Variants in PARP14 observed in about 807,000 individuals in gnomAD.
PARP14 encodes the protein protein mono-ADP-ribosyltransferase PARP14.
A neutral mutation model predicts 154.2 loss-of-function variants in PARP14; 59 were observed. That is an observed-to-expected ratio of 0.38 (90% confidence interval 0.31 to 0.48). The LOEUF (loss-of-function observed/expected upper bound fraction) is 0.48. Among genes scored for constraint, PARP14 ranks in the 20% least tolerant of loss-of-function variants. PARP14 has a pLI of 0.98. For synonymous variants in PARP14, 720 were observed against 780.5 expected (o/e 0.92, Z 1.29); for missense variants, 1,734 against 2,131.6 (o/e 0.81, Z 3.67).
Position 122,700,889 on chromosome 3 carries a change from G to A in PARP14, c.2335G>A (p.Glu779Lys), listed in dbSNP as rs1471767668. 1 of 1,614,040 alleles carries A rather than the reference G, an allele frequency of 6.2e-7. No homozygotes were observed. Among genetic ancestry groups the A allele is most frequent in the South Asian group, 1.1e-5 (1 of 91,080 alleles). Reference protein sequence around the residue: ...FGCYIELQENEVMKEGGSPAG... With the variant: ...FGCYIELQENKVMKEGGSPAG... ...TTGTTACATTGAACTACAGGAGAAT[G>A]AAGTAATGAAGGAGGGAGGCAGCCC... Residue 779 changes from glutamate (E) to lysine (K), a missense_variant, in exon 6 of 17, where the codon GAA (glutamate) becomes AAA (lysine). Physicochemically the swap from Glu to Lys is moderately conservative, Grantham distance 56. Transcript: ENST00000474629.
intron 1 of PARP14, chr3:122,683,245 T>A (rs1163529365): frequency 1.4e-5 from 13 of 957,708 alleles, no homozygotes; most frequent in Non-Finnish European, 1.6e-5. Flanking sequence ...GTCCCAGAAG[T>A]GCATTCTTCT....
rs35141145 is a variant in PARP14, at chr3:122,729,391, C to T, written c.*794C>T. The T allele has an allele frequency of 0.087, 13,297 of 152,270 alleles. 681 individuals are homozygous for T. Among genetic ancestry groups the T allele is most frequent in the East Asian group, 0.13 (665 of 5,164 alleles). The allele number at this position is 152,270 out of a possible 1,614,324, so 9.4% of individuals were successfully genotyped here. On this transcript the variant is annotated 3_prime_UTR_variant, in exon 17 of 17. Transcript: ENST00000474629. ...GGAGTTGCGCAGCACAACCCTGGCTCCAATTGCCAGAAGGCTCTTTTTAAT... is the reference window on the plus strand; with the variant it reads ...GGAGTTGCGCAGCACAACCCTGGCTTCAATTGCCAGAAGGCTCTTTTTAAT...
intron 15 of PARP14, 39 bp downstream of exon 15, chr3:122,720,427 A>G (rs757841842): frequency 1.3e-6 from 2 of 1,594,598 alleles, no homozygotes. Flanking sequence ...GGATGGTGGA[A>G]ATAAGTTCTG....
intron 1 of PARP14, among the ~76,000 whole-genome samples, chr3:122,682,608 C>T (rs182489583): frequency 1.9e-3 from 287 of 152,246 alleles, no homozygotes; most frequent in African/African-American, 6.6e-3. Flanking sequence ...TAACTCAATT[C>T]TAGCCCTCCA....
chr3:122,705,384 A>G (rs1233629098), intron 8 of PARP14, among the ~76,000 whole-genome samples: 1 of 152,230 alleles, frequency 6.6e-6, no homozygotes, highest in Non-Finnish European at 1.5e-5. Flanking sequence ...ATTTTAATAC[A>G]TAGTATAAAA....
rs1427170261 is a variant in PARP14, at chr3:122,685,258, C to T, written c.261C>T (p.Val87=). ...GAAAAGGAACATTCAAGTTAACTGT[C>T]CAGTTACCTGCAACCCCAGATGAAA... ...WQGKGTFKLT[V]QLPATPDEID... The change falls in exon 2 of 17, where the codon GTC becomes GTT. Residue 87 remains valine, a synonymous_variant. Coordinates refer to ENST00000474629, the MANE Select transcript of PARP14 (RefSeq NM_017554.3). 3 of 1,613,126 alleles carry T rather than the reference C, an allele frequency of 1.9e-6. No homozygotes were observed. Among genetic ancestry groups the T allele is most frequent in the Non-Finnish European group, 2.5e-6 (3 of 1,179,132 alleles).
chr3:122,704,724 C>T lies in PARP14; in HGVS notation c.3516C>T (p.His1172=), dbSNP rs968035422. The change falls in exon 8 of 17, where the codon CAC becomes CAT. Residue 1172 remains histidine (H), a synonymous_variant. Coordinates refer to ENST00000474629, the MANE Select transcript of PARP14 (RefSeq NM_017554.3). ...TACAAGAGGTTCACTTTCTGCTGCACCCGAGTGATCATGAAAATATTCAGG... is the reference window on the plus strand; with the variant it reads ...TACAAGAGGTTCACTTTCTGCTGCATCCGAGTGATCATGAAAATATTCAGG... ...KTLQEVHFLL[H]PSDHENIQAF... 16 of 1,598,604 alleles carry T rather than the reference C, an allele frequency of 1.0e-5. No homozygotes were observed. The highest frequency in any genetic ancestry group is 1.4e-5 in the Non-Finnish European group (16 of 1,170,798).
At chr3:122,723,681 A>G (rs1472994422) in intron 15 of PARP14, among the ~76,000 whole-genome samples, 2 of 152,204 alleles carry the variant, frequency 1.3e-5, no homozygotes, top group African/African-American at 4.8e-5. Context: ...ACTATTAATG[A>G]TGCTAAGTTT....
chr3:122,727,527 G>C (rs945447057), intron 15 of PARP14, among the ~76,000 whole-genome samples: 2 of 152,172 alleles, frequency 1.3e-5, no homozygotes, highest in African/African-American at 4.8e-5. Flanking sequence ...AGTTGCAGAG[G>C]CTGGGTCAGC....
At chr3:122,725,766 T>C (rs868785696) in intron 15 of PARP14, among the ~76,000 whole-genome samples, 25 of 152,354 alleles carry the variant, frequency 1.6e-4, no homozygotes, top group African/African-American at 5.8e-4. Context: ...ACTAGAGTAC[T>C]TAATCTTACT....
At chr3:122,719,016 C>G in intron 14 of PARP14, 58 bp downstream of exon 14, 1 of 1,422,878 alleles carries the variant, frequency 7.0e-7, no homozygotes, top group South Asian at 1.5e-5. Context: ...GGGCATAACA[C>G]TATTTGGTAC....
chr3:122,685,164 T>TC (rs1560045052), intron 1 of PARP14, 21 bp from the exon 2 acceptor site: 1 of 1,607,572 alleles, frequency 6.2e-7, no homozygotes, highest in South Asian at 1.1e-5. Flanking sequence ...TTGTCTTTTT[T>TC]CCCCCCTTTG....
chr3:122,690,256 T>A (rs1265256213), intron 3 of PARP14, among the ~76,000 whole-genome samples: 1 of 152,256 alleles, frequency 6.6e-6, no homozygotes, highest in East Asian at 1.9e-4. Flanking sequence ...TTAAGAGACA[T>A]GCCCAAGGTC....
intron 7 of PARP14, 39 bp from the exon 8 acceptor site, chr3:122,704,488 C>G: frequency 1.5e-6 from 2 of 1,300,718 alleles, no homozygotes; most frequent in South Asian, 2.6e-5. Flanking sequence ...ACTCCCATTT[C>G]TAGACAAGAT....
Position 122,729,593 on chromosome 3 carries a change from C to T in PARP14, c.*996C>T, listed in dbSNP as rs1933375832. Reference sequence around the variant, plus strand: ...GGGATTACAGGCATGCGCTAACACACCCAGCTAATTTTGTATTTTTAGTAG... The same window carrying T: ...GGGATTACAGGCATGCGCTAACACATCCAGCTAATTTTGTATTTTTAGTAG... On this transcript the variant is annotated 3_prime_UTR_variant, in exon 17 of 17. Transcript: ENST00000474629. 1 of 152,166 alleles carries T rather than the reference C, an allele frequency of 6.6e-6. No homozygotes were observed. The highest frequency in any genetic ancestry group is 1.5e-5 in the Non-Finnish European group (1 of 68,076). 9.4% of individuals were successfully genotyped at this position (152,166 alleles called of 1,614,324 possible). A position where few individuals can be genotyped will look rare whatever the true frequency, so the allele number is the denominator to read the frequency against.
chr3:122,688,207 T>C (rs967502966), intron 3 of PARP14, among the ~76,000 whole-genome samples: 1 of 152,192 alleles, frequency 6.6e-6, no homozygotes, highest in Admixed American at 6.5e-5. Flanking sequence ...TCTTGGAAGA[T>C]GCCAAAGCGC....
chr3:122,681,196 G>A lies in PARP14; in HGVS notation c.187+126G>A. 1 of 581,936 alleles carries A rather than the reference G, an allele frequency of 1.7e-6. No individual in the cohort carries two copies. Among genetic ancestry groups the A allele is most frequent in the Non-Finnish European group, 3.0e-6 (1 of 336,492 alleles). The allele number at this position is 581,936 out of a possible 1,614,324, so 36.0% of individuals were successfully genotyped here. On this transcript the variant is annotated intron_variant, in intron 1 of 16. Coordinates refer to ENST00000474629, the MANE Select transcript of PARP14 (RefSeq NM_017554.3). This position sits in a 1 kb window ranked among gnomAD's most constrained non-coding sequence, Gnocchi z 5.5. ...GCGGCTGCTGTAGCGGAGGTGGCCG[G>A]GGCGGGGGCGGGGGCGGGGGCGGCA... is the stretch of plus-strand genomic sequence containing the variant.
rs1932921549 is a variant in PARP14 at position 122,713,863 on chromosome 3, C to T, written c.3770-9C>T. The T allele has an allele frequency of 1.9e-6, 3 of 1,593,146 alleles. No individual in the cohort carries two copies. Among genetic ancestry groups the T allele is most frequent in the African/African-American group, 2.7e-5 (2 of 74,610 alleles). On this transcript the variant is annotated splice_polypyrimidine_tract_variant and intron_variant, in intron 10 of 16. Coordinates refer to ENST00000474629, the MANE Select transcript of PARP14 (RefSeq NM_017554.3). ...TCATGTTTGTTATCATCTTGATTTT[C>T]TCATGTAGGGGTCTCCAAAGCAATT...
At position 122,680,954 on chromosome 3, in the gene PARP14, A is replaced by T. The variant is rs1476463486; in HGVS notation, c.71A>T (p.Asn24Ile). The T allele has an allele frequency of 6.2e-7, 1 of 1,613,098 alleles. No individual in the cohort carries two copies. The highest frequency in any genetic ancestry group is 8.5e-7 in the Non-Finnish European group (1 of 1,179,376). The change falls in exon 1 of 17, where the codon AAC (asparagine) becomes ATC (isoleucine). Residue 24 changes from asparagine (N) to isoleucine (I), a missense_variant. Around this residue, in one of 2 missense-constraint regions of PARP14, gnomAD observed 1,646 missense variants for 1,976.0 expected, o/e 0.83. Coordinates refer to ENST00000474629, the MANE Select transcript of PARP14 (RefSeq NM_017554.3). ...GGCCCCGACCCCCCGAAGAACTTGA[A>T]CACCAAGTTGCAGATGTACTTCCAG... ...SWGPDPPKNL[N>I]TKLQMYFQSP...
Sources: gnomAD v4.1 joint callset for allele counts (sites outside exome capture counted in the v4.1 genomes callset) on GRCh38, gnomAD v4.1.1 for gene constraint, gnomAD v4.1.1 regional missense constraint, Gnocchi (gnomAD v3.1) non-coding constraint, MANE v1.5 for transcripts, NCBI Gene and HGNC (gene_info 2026-07-23, HGNC 2026-07-21) for gene names.